The following DOCK9 variants were observed in gnomAD, a reference collection of about 807,000 sequenced individuals.
DOCK9 encodes the protein dedicator of cytokinesis protein 9.
Under a neutral mutation model 263.3 loss-of-function variants are expected in DOCK9, and 89 were observed. The observed-to-expected ratio is 0.34, with a 90% CI of 0.28 to 0.40. The LOEUF (loss-of-function observed/expected upper bound fraction) is 0.40, where lower values mean the gene tolerates loss of function less well. Among genes scored for constraint, DOCK9 ranks in the 10% least tolerant of loss-of-function variants. The pLI is 1.00. For missense variants in DOCK9, 2,140 were observed against 2,603.4 expected, an observed-to-expected ratio of 0.82 and a Z score of 3.87; for synonymous variants, 976 against 973.1, an observed-to-expected ratio of 1.00 and a Z score of -0.06.
intron 1 of DOCK9, among the ~76,000 whole-genome samples, chr13:99,050,065 G>T (rs1472738871): frequency 6.6e-6 from 1 of 152,150 alleles, no homozygotes; most frequent in African/African-American, 2.4e-5. Flanking sequence ...GTTTATGGAG[G>T]ATATTTAGGT....
intron 1 of DOCK9, among the ~76,000 whole-genome samples, chr13:99,038,042 T>C (rs1432529367): frequency 1.3e-5 from 2 of 152,302 alleles, no homozygotes; most frequent in East Asian, 1.9e-4. Flanking sequence ...GATGTGTATA[T>C]AGTCAAAACT....
At chr13:98,920,730 C>T (rs953982626) in intron 7 of DOCK9, among the ~76,000 whole-genome samples, 1 of 152,350 alleles carries the variant, frequency 6.6e-6, no homozygotes, top group African/African-American at 2.4e-5. Flanking sequence ...TATAAAGTGG[C>T]CGAGCCAGAG....
At chr13:98,803,933 C>T (rs34855080) in intron 49 of DOCK9, among the ~76,000 whole-genome samples, 24,404 of 124,432 alleles carry the variant, frequency 0.2, 2,251 homozygotes, top group South Asian at 0.28. Context: ...TTCATAAAAA[C>T]CTGTATTTTT....
intron 47 of DOCK9, among the ~76,000 whole-genome samples, chr13:98,808,476 A>T (rs2090965206): frequency 6.6e-6 from 1 of 152,164 alleles, no homozygotes; most frequent in Admixed American, 6.5e-5. Context: ...TTAAAAGAAA[A>T]TTTTTTAAAG....
intron 22 of DOCK9, 109 bp downstream of exon 22, chr13:98,883,704 T>C (rs2045214358): frequency 4.7e-6 from 3 of 639,180 alleles, no homozygotes; most frequent in South Asian, 4.8e-5. Flanking sequence ...AAAAGATCTA[T>C]AGAGTAAAAA....
intron 27 of DOCK9, among the ~76,000 whole-genome samples, chr13:98,877,392 G>A (rs1241753652): frequency 1.3e-5 from 2 of 152,118 alleles, no homozygotes; most frequent in Non-Finnish European, 1.5e-5. Context: ...TGTCACTGGC[G>A]CTTGATTTTG....
chr13:98,890,171 T>C (rs1179167232), intron 15 of DOCK9, among the ~76,000 whole-genome samples: 1 of 152,202 alleles, frequency 6.6e-6, no homozygotes, highest in Non-Finnish European at 1.5e-5. Flanking sequence ...TAGCTTTATG[T>C]CATAAAAATA....
At chr13:98,890,561 G>A (rs1459513358) in intron 15 of DOCK9, among the ~76,000 whole-genome samples, 2 of 152,116 alleles carry the variant, frequency 1.3e-5, no homozygotes, top group Non-Finnish European at 2.9e-5. Flanking sequence ...TCCTTCCTAC[G>A]CCACCTGTTT....
chr13:98,861,750 A>G (rs2141902351), intron 32 of DOCK9, among the ~76,000 whole-genome samples: 1 of 152,268 alleles, frequency 6.6e-6, no homozygotes. Context: ...CTAATCAAAA[A>G]CTTTTGAGAT....
At chr13:99,019,094 G>T (rs1030386589) in intron 1 of DOCK9, among the ~76,000 whole-genome samples, 3 of 152,050 alleles carry the variant, frequency 2.0e-5, no homozygotes, top group Admixed American at 2.0e-4. Context: ...TACACGAATG[G>T]CCCGAAAACC....
At chr13:98,896,802 G>T (rs1000253981) in intron 15 of DOCK9, among the ~76,000 whole-genome samples, 3 of 152,296 alleles carry the variant, frequency 2.0e-5, no homozygotes, top group African/African-American at 7.2e-5. Context: ...CATTGTTATG[G>T]GTTGAATTGT....
intron 15 of DOCK9, among the ~76,000 whole-genome samples, chr13:98,895,494 A>G (rs1326630138): frequency 6.6e-6 from 1 of 151,964 alleles, no homozygotes; most frequent in Non-Finnish European, 1.5e-5. Flanking sequence ...GTGAAACCCC[A>G]TCTCTACTAA....
intron 4 of DOCK9, 35 bp from the exon 5 acceptor site, chr13:98,923,406 T>C: frequency 1.3e-6 from 2 of 1,572,872 alleles, no homozygotes. Context: ...GTTTTAGAAA[T>C]GCCTAGTCAA....
At position 99,048,145 on chromosome 13, in the gene DOCK9, G is replaced by T. The variant is rs889146369; in HGVS notation, c.129+38078C>A. Among the ~76,000 whole-genome samples the T allele has an allele frequency of 2.0e-5, 3 of 152,110 alleles. No individual in the cohort carries two copies. The East Asian group carries it at 5.8e-4, about 29-fold the overall frequency. ...TTAAAGTTATGGAAAATCTTCATAC[G>T]GTGTTTAAAAGTGTTCATGTGCTGC... On this transcript the variant is annotated intron_variant, in intron 1 of 32. Transcript: ENST00000427887.
chr13:99,067,075 C>T (rs995205517), intron 1 of DOCK9, among the ~76,000 whole-genome samples: 1 of 152,194 alleles, frequency 6.6e-6, no homozygotes, highest in African/African-American at 2.4e-5. Flanking sequence ...CACAACCTTC[C>T]TTCTTCCTTC....
chr13:98,964,323 G>T (rs2058982037), intron 1 of DOCK9, among the ~76,000 whole-genome samples: 1 of 152,200 alleles, frequency 6.6e-6, no homozygotes, highest in African/African-American at 2.4e-5. Context: ...ACCCAGCATA[G>T]CAGAAGCACT....
At chr13:99,039,976 T>A (rs1282241393) in intron 1 of DOCK9, among the ~76,000 whole-genome samples, 1 of 152,204 alleles carries the variant, frequency 6.6e-6, no homozygotes, top group Non-Finnish European at 1.5e-5. Flanking sequence ...GCATATTAAC[T>A]AATGTGAGCT....
chr13:98,852,807 G>A (rs117853560), intron 35 of DOCK9, among the ~76,000 whole-genome samples: 5,108 of 152,220 alleles, frequency 0.034, 136 homozygotes, highest in Middle Eastern at 0.088. Context: ...AGCCTTATAC[G>A]GTCCAGATAG....
intron 1 of DOCK9, among the ~76,000 whole-genome samples, chr13:99,017,685 G>T (rs745554969): frequency 2.6e-5 from 4 of 152,208 alleles, no homozygotes; most frequent in Non-Finnish European, 5.9e-5. Context: ...ACTGGAAGAA[G>T]AATAATTGTC....
Sources: allele counts gnomAD v4.1 joint callset (sites outside exome capture counted in the v4.1 genomes callset), GRCh38; gene constraint gnomAD v4.1.1; transcripts MANE v1.5; gene names NCBI Gene and HGNC (gene_info 2026-07-23, HGNC 2026-07-21).